UBASH3B: variants seen among roughly 807,000 people sequenced by gnomAD.
The protein encoded by UBASH3B is ubiquitin associated and SH3 domain containing B.
UBASH3B carries 37 observed loss-of-function variants against 83.4 expected under a neutral mutation model. That is an observed-to-expected ratio of 0.44 (90% confidence interval 0.34 to 0.58). The LOEUF (loss-of-function observed/expected upper bound fraction) is 0.58, where lower values mean the gene tolerates loss of function less well. UBASH3B is among the 20% of genes least tolerant of loss of function. The pLI, the probability that UBASH3B is intolerant of heterozygous loss-of-function variation, is 0.01. For missense variants in UBASH3B, 657 were observed against 827.2 expected, an observed-to-expected ratio of 0.79 and a Z score of 2.52; for synonymous variants, 304 against 318.3, an observed-to-expected ratio of 0.96 and a Z score of 0.48.
intron 1 of UBASH3B, among the ~76,000 whole-genome samples, chr11:122,768,470 A>ATGTGTG (rs568912747): frequency 0.011 from 1,549 of 140,090 alleles, 26 homozygotes; most frequent in African/African-American, 0.036. Flanking sequence ...ATATATATGT[A>ATGTGTG]TGTGTGTGTG....
chr11:122,720,976 T>G (rs1217220844), intron 1 of UBASH3B, among the ~76,000 whole-genome samples: 1 of 151,950 alleles, frequency 6.6e-6, no homozygotes, highest in Non-Finnish European at 1.5e-5. Flanking sequence ...CCAGGCGCGG[T>G]GGCTCACGCC....
intron 6 of UBASH3B, among the ~76,000 whole-genome samples, chr11:122,790,446 T>C (rs892231461): frequency 2.0e-5 from 3 of 152,188 alleles, no homozygotes; most frequent in African/African-American, 4.8e-5. Flanking sequence ...AACATTTTGC[T>C]TTTTCAGAAA....
At chr11:122,684,519 T>C (rs1046513079) in intron 1 of UBASH3B, among the ~76,000 whole-genome samples, 8 of 152,134 alleles carry the variant, frequency 5.3e-5, no homozygotes, top group African/African-American at 1.9e-4. Context: ...AAGGATGAGG[T>C]ATCAACAATT....
At chr11:122,801,135 G>A (rs1343299694) in intron 10 of UBASH3B, 53 bp from the exon 11 acceptor site, 1 of 1,592,564 alleles carries the variant, frequency 6.3e-7, no homozygotes, top group East Asian at 2.2e-5. Context: ...ATAACAACTT[G>A]GCCTGAGAAT....
At position 122,777,180 on chromosome 11, in the gene UBASH3B, C is replaced by T. The variant is rs746769959; in HGVS notation, c.372C>T (p.Phe124=). The T allele has an allele frequency of 3.7e-6, 6 of 1,613,710 alleles. No homozygotes were observed. In the East Asian group the frequency reaches 8.9e-5, roughly 24 times the overall value. ...ICGKNKAHNI[F]PHITLCQFFM... ...GGAAGAACAAGGCACACAACATCTT[C>T]CCCCACATCACACTCTGCCAGTTCT... The change falls in exon 3 of 14, where the codon TTC becomes TTT. Residue 124 remains phenylalanine, a synonymous_variant. Coordinates refer to ENST00000284273, the MANE Select transcript of UBASH3B (RefSeq NM_032873.5).
chr11:122,766,875 T>A (rs913459046), intron 1 of UBASH3B, among the ~76,000 whole-genome samples: 1 of 152,290 alleles, frequency 6.6e-6, no homozygotes, highest in Non-Finnish European at 1.5e-5. Flanking sequence ...GTTGTGCTTC[T>A]ACTCTCCCAC....
chr11:122,804,677 CAT>C (rs1315972179), intron 11 of UBASH3B, among the ~76,000 whole-genome samples: 1 of 152,150 alleles, frequency 6.6e-6, no homozygotes, highest in African/African-American at 2.4e-5. Context: ...GAGCCTGACA[CAT>C]ATGGGAACCT....
At chr11:122,733,634 C>A (rs1294964147) in intron 1 of UBASH3B, among the ~76,000 whole-genome samples, 1 of 152,234 alleles carries the variant, frequency 6.6e-6, no homozygotes, top group Admixed American at 6.5e-5. Flanking sequence ...ATTCATTCCA[C>A]ACATGTGTTG....
intron 1 of UBASH3B, among the ~76,000 whole-genome samples, chr11:122,736,707 T>G (rs1477440560): frequency 6.6e-6 from 1 of 151,950 alleles, no homozygotes; most frequent in Non-Finnish European, 1.5e-5. Context: ...GCAGAATGCA[T>G]GCTGGGAAAG....
intron 12 of UBASH3B, among the ~76,000 whole-genome samples, chr11:122,807,349 T>C (rs1463376582): frequency 1.3e-5 from 2 of 152,212 alleles, no homozygotes; most frequent in African/African-American, 4.8e-5. Flanking sequence ...ATGAACTGTA[T>C]CGTCACATAT....
chr11:122,757,146 C>T (rs1861294782), intron 1 of UBASH3B, among the ~76,000 whole-genome samples: 1 of 152,196 alleles, frequency 6.6e-6, no homozygotes, highest in Non-Finnish European at 1.5e-5. Context: ...AGGGATGTCC[C>T]GATGCAGTAC....
intron 6 of UBASH3B, among the ~76,000 whole-genome samples, chr11:122,790,907 C>G (rs556690095): frequency 6.6e-6 from 1 of 151,314 alleles, no homozygotes; most frequent in Non-Finnish European, 1.5e-5. Flanking sequence ...GCTGAGATCA[C>G]GCAACTGCAC....
intron 3 of UBASH3B, 87 bp downstream of exon 3, chr11:122,777,297 C>T: frequency 7.2e-7 from 1 of 1,394,218 alleles, no homozygotes; most frequent in Non-Finnish European, 9.6e-7. Context: ...GGAGGCCTCG[C>T]AGGAAGACAG....
At chr11:122,779,005 T>C (rs905692171) in intron 3 of UBASH3B, among the ~76,000 whole-genome samples, 2 of 152,250 alleles carry the variant, frequency 1.3e-5, no homozygotes, top group African/African-American at 4.8e-5. Context: ...AAGCTAATTG[T>C]ACATGCATTA....
intron 1 of UBASH3B, among the ~76,000 whole-genome samples, chr11:122,726,568 C>T (rs769635082): frequency 9.2e-5 from 14 of 152,118 alleles, no homozygotes; most frequent in Non-Finnish European, 1.9e-4. Context: ...AGGCTGGTCT[C>T]GCACTCCTGA....
rs148701184 is a variant in UBASH3B, at chr11:122,775,091, C to T, written c.162-1128C>T. Among the ~76,000 whole-genome samples the T allele has an allele frequency of 2.6e-4, 39 of 152,312 alleles. 1 individual carries two copies. The East Asian group carries it at 6.0e-3, about 23-fold the overall frequency. On this transcript the variant is annotated intron_variant, in intron 1 of 13. Coordinates refer to ENST00000284273, the MANE Select transcript of UBASH3B (RefSeq NM_032873.5). ...CAGAAAACTCCTTTAGGGCAGGGAT[C>T]ACATAAGTCTTGTTCATTACTGTAT...
chr11:122,807,917 G>C lies in UBASH3B; in HGVS notation c.1703-150G>C, dbSNP rs1258692982. 3 of 691,848 alleles carry C rather than the reference G, an allele frequency of 4.3e-6. No individual in the cohort carries two copies. The East Asian group carries it at 7.5e-5, about 17-fold the overall frequency. 42.9% of individuals were successfully genotyped at this position (691,848 alleles called of 1,614,324 possible). ...TTAAAAAGATTAAGCTGCCTTATCA[G>C]TAACAAAGCACTTTCAAAATATTGC... On this transcript the variant is annotated intron_variant, in intron 12 of 13. Transcript: ENST00000284273.
rs138266112 is a variant in UBASH3B at position 122,702,469 on chromosome 11, C to T, written c.161+46259C>T. Among the ~76,000 whole-genome samples the T allele has an allele frequency of 7.9e-5, 12 of 151,408 alleles. No individual in the cohort carries two copies. The East Asian group carries it at 2.1e-3, about 27-fold the overall frequency. On this transcript the variant is annotated intron_variant, in intron 1 of 13. Transcript: ENST00000284273. ...TCAGAGAACCCTAGGTTGCAAGAAA[C>T]GTGTTTGGAGTTTTGGGGAACAGAT...
At chr11:122,720,517 G>A (rs1035761964) in intron 1 of UBASH3B, among the ~76,000 whole-genome samples, 3 of 152,190 alleles carry the variant, frequency 2.0e-5, no homozygotes, top group Admixed American at 6.5e-5. Flanking sequence ...ATGCCCCAAC[G>A]TTCTCTGTGT....
Sources: gnomAD v4.1 joint callset for allele counts (sites outside exome capture counted in the v4.1 genomes callset) on GRCh38, gnomAD v4.1.1 for gene constraint, MANE v1.5 for transcripts, NCBI Gene and HGNC (gene_info 2026-07-23, HGNC 2026-07-21) for gene names.